Variants in ZNF160 observed in about 807,000 individuals in gnomAD.
The protein encoded by ZNF160 is zinc finger protein 160, also known as KRAB zinc finger protein KR18.
In ZNF160, 9 loss-of-function variants were observed where a neutral mutation model predicts 13.1. That is an observed-to-expected ratio of 0.69 (90% CI 0.41 to 1.20). ZNF160 has a LOEUF of 1.20. Among genes scored for constraint, ZNF160 ranks in the 50% most tolerant of loss-of-function variants. The probability of loss-of-function intolerance (pLI) is 0.01; values close to 1 mark genes in which losing one functional copy is unlikely to be tolerated. For missense variants in ZNF160, 838 were observed against 988.0 expected (o/e 0.85, Z 2.04); for synonymous variants, 293 against 333.2 (o/e 0.88, Z 1.31).
At chr19:53,077,051 G>A (rs527741041) in intron 3 of ZNF160, 1 of 152,268 alleles carries the variant, frequency 6.6e-6, no homozygotes, top group South Asian at 2.1e-4. Flanking sequence ...GGAAGCTACT[G>A]AGAACAAAGC....
chr19:53,072,642 G>A (rs78692908), intron 5 of ZNF160, among the ~76,000 whole-genome samples: 11,222 of 152,008 alleles, frequency 0.074, 440 homozygotes, highest in Middle Eastern at 0.18. Context: ...ACCTGAAGTC[G>A]AGAGTTCGAG....
chr19:53,075,326 A>G (rs1462718409), intron 3 of ZNF160, 143 bp from the exon 4 acceptor site: 2 of 1,093,772 alleles, frequency 1.8e-6, no homozygotes, highest in Admixed American at 2.5e-5. Flanking sequence ...TGTGACATAC[A>G]GATTTGGTCT....
chr19:53,102,915 G>A (rs1220237125), intron 1 of ZNF160, among the ~76,000 whole-genome samples: 8 of 152,118 alleles, frequency 5.3e-5, no homozygotes, highest in Admixed American at 3.9e-4. Flanking sequence ...GAGGAGGAGG[G>A]AGGTGGGGGG....
At chr19:53,092,506 G>A (rs12610734) in intron 1 of ZNF160, among the ~76,000 whole-genome samples, 28,644 of 152,076 alleles carry the variant, frequency 0.19, 2,937 homozygotes, top group East Asian at 0.33. Flanking sequence ...TAGAGACGGA[G>A]TTTCACCACA....
intron 5 of ZNF160, chr19:53,073,338 TA>T: frequency 6.3e-7 from 1 of 1,597,650 alleles, no homozygotes; most frequent in South Asian, 1.1e-5. Context: ...AGAACAATCT[TA>T]GAAGATAGAA....
chr19:53,072,425 C>T (rs1465124178), intron 5 of ZNF160, among the ~76,000 whole-genome samples: 1 of 152,154 alleles, frequency 6.6e-6, no homozygotes. Context: ...ACAATACCTG[C>T]TGAAAACCAT....
At chr19:53,074,057 T>G in intron 5 of ZNF160, 83 bp downstream of exon 5, 100 of 1,406,974 alleles carry the variant, frequency 7.1e-5, no homozygotes, top group Non-Finnish European at 9.2e-5. Flanking sequence ...CCCTAAGTGT[T>G]GAGATTACAG....
chr19:53,098,270 G>A (rs973133679), intron 1 of ZNF160, among the ~76,000 whole-genome samples: 1 of 152,086 alleles, frequency 6.6e-6, no homozygotes. Context: ...CTCCTCTAGA[G>A]GCTCAGCATT....
At chr19:53,100,644 C>T (rs947361315) in intron 1 of ZNF160, among the ~76,000 whole-genome samples, 2 of 150,904 alleles carry the variant, frequency 1.3e-5, no homozygotes, top group African/African-American at 2.4e-5. Context: ...CTTATGTTAA[C>T]GTTAAAAAAA....
rs1479801495 is a variant in ZNF160, at chr19:53,069,639, T to A, written c.895A>T (p.Asn299Tyr). 1 of 1,613,924 alleles carries A rather than the reference T, an allele frequency of 6.2e-7. No individual in the cohort carries two copies. Among genetic ancestry groups the A allele is most frequent in the Non-Finnish European group, 8.5e-7 (1 of 1,179,804 alleles). ...ECGKTFTVRS[N>Y]LTIHQVIHTG... ...TGGATGACCTGATGAATAGTTAGAT[T>A]TGAACGAACAGTAAAGGTTTTGCCG... Residue 299 changes from asparagine (N) to tyrosine (Y), a missense_variant, in exon 6 of 6, where the codon AAT becomes TAT. Transcript: ENST00000683776. The surrounding 1 kb of genome is among the most constrained non-coding windows in gnomAD (Gnocchi z 4.4).
rs1259852200 is a variant in ZNF160, at chr19:53,068,807, T to A, written c.1727A>T (p.Gln576Leu). ...KCNECGKVFA[Q>L]TSQLARHWRV... Reference sequence around the variant, plus strand: ...CCAATGCCTTGCAAGTTGTGATGTTTGAGCGAAGACTTTACCACATTCATT... The same window carrying A: ...CCAATGCCTTGCAAGTTGTGATGTTAGAGCGAAGACTTTACCACATTCATT... The change falls in exon 6 of 6, where the codon CAA becomes CTA. Residue 576 changes from glutamine (Q) to leucine (L), a missense_variant. This residue lies in a region of ZNF160 where 400 missense variants were observed against 538.9 expected (regional missense o/e 0.74). Coordinates refer to ENST00000683776, the MANE Select transcript of ZNF160 (RefSeq NM_001322131.2). 2.5e-6 allele frequency: 4 copies of A among 1,612,712 alleles called. No homozygotes were observed. Among genetic ancestry groups the A allele is most frequent in the Non-Finnish European group, 3.4e-6 (4 of 1,178,916 alleles).
chr19:53,068,463 G>A lies in ZNF160; in HGVS notation c.2071C>T (p.His691Tyr), dbSNP rs1183249712. The change falls in exon 6 of 6, where the codon CAC becomes TAC. Residue 691 changes from histidine (H) to tyrosine (Y), a missense_variant. This residue lies in a region of ZNF160 where 400 missense variants were observed against 538.9 expected (regional missense o/e 0.74). Coordinates refer to ENST00000683776, the MANE Select transcript of ZNF160 (RefSeq NM_001322131.2). ...TGAGTCCTTTGATGATTTGCAAGGT[G>A]TGAGTTCTGAGTGAAGACCTTGCCA... The part of the protein sequence containing the change: ...QCGKVFTQNS[H>Y]LANHQRTHTG... 6.2e-7 allele frequency: 1 copy of A among 1,613,452 alleles called. No homozygotes were observed. Among genetic ancestry groups the A allele is most frequent in the Admixed American group, 1.7e-5 (1 of 59,982 alleles).
chr19:53,083,149 T>G (rs1020737204), intron 3 of ZNF160, among the ~76,000 whole-genome samples: 1 of 152,210 alleles, frequency 6.6e-6, no homozygotes. Flanking sequence ...CATGTGCTTT[T>G]GTGTTTTCAT....
chr19:53,085,575 T>C (rs1033703281), intron 3 of ZNF160: 3 of 156,898 alleles, frequency 1.9e-5, no homozygotes, highest in East Asian at 3.8e-4. Context: ...TCTGCTTATA[T>C]GCCATTCTCA....
At position 53,068,273 on chromosome 19, in the gene ZNF160, A is replaced by C; in HGVS notation, c.2261T>G (p.Ile754Ser). The stretch of plus-strand genomic sequence containing the variant: ...CCTGTAAGGTTTCTCCCCAGTATGA[A>C]TTCTTCGGTGATTTGCCAGGTGAGC... ...QNAHLANHRR[I>S]HTGEKPYRCT... The change falls in exon 6 of 6, where the codon ATT becomes AGT. Residue 754 changes from isoleucine (I) to serine (S), a missense_variant. Transcript: ENST00000683776. 1 of 1,613,906 alleles carries C rather than the reference A, an allele frequency of 6.2e-7. No homozygotes were observed. Among genetic ancestry groups the C allele is most frequent in the Non-Finnish European group, 8.5e-7 (1 of 1,179,938 alleles).
At chr19:53,080,891 G>C (rs1313238915) in intron 3 of ZNF160, among the ~76,000 whole-genome samples, 1 of 152,064 alleles carries the variant, frequency 6.6e-6, no homozygotes, top group Non-Finnish European at 1.5e-5. Context: ...CAATGGAATA[G>C]AACAGAGACC....
intron 2 of ZNF160, among the ~76,000 whole-genome samples, chr19:53,087,653 C>T (rs1198875277): frequency 4.6e-5 from 7 of 152,130 alleles, no homozygotes; most frequent in South Asian, 2.1e-4. Context: ...TGGGTTCAAG[C>T]GATTCTCCTG....
intron 5 of ZNF160, among the ~76,000 whole-genome samples, chr19:53,072,608 T>C (rs529434800): frequency 6.6e-6 from 1 of 152,270 alleles, no homozygotes; most frequent in Non-Finnish European, 1.5e-5. Context: ...TCCCAGCACT[T>C]TGGGAGGCTG....
chr19:53,067,390 C>G lies in ZNF160; in HGVS notation c.*687G>C. On this transcript the variant is annotated 3_prime_UTR_variant, in exon 6 of 6. Coordinates refer to ENST00000683776, the MANE Select transcript of ZNF160 (RefSeq NM_001322131.2). ...CATAGTTTTACATTGTTTTTCGCCA[C>G]TCCCAAATGCTAATTCAGATGATAC... 1 of 152,308 alleles carries G rather than the reference C, an allele frequency of 6.6e-6. No individual in the cohort carries two copies. Among genetic ancestry groups the G allele is most frequent in the East Asian group, 1.9e-4 (1 of 5,182 alleles). The allele number at this position is 152,308 out of a possible 1,614,324, so 9.4% of individuals were successfully genotyped here.
Sources: allele counts gnomAD v4.1 joint callset (sites outside exome capture counted in the v4.1 genomes callset), GRCh38; gene constraint gnomAD v4.1.1; regional missense constraint gnomAD v4.1.1; non-coding constraint Gnocchi (gnomAD v3.1); transcripts MANE v1.5; gene names NCBI Gene and HGNC (gene_info 2026-07-23, HGNC 2026-07-21).